RAB3IL1: variants seen among roughly 807,000 people sequenced by gnomAD.
RAB3IL1 encodes guanine nucleotide exchange factor for Rab-3A.
RAB3IL1 carries 37 observed loss-of-function variants against 49.2 expected under a neutral mutation model. That is an observed-to-expected ratio of 0.75 (90% CI 0.58 to 0.99). The LOEUF is 0.99. Ranked by LOEUF, RAB3IL1 falls within the 50% of genes least tolerant of loss-of-function variation. RAB3IL1 has a pLI of 0.00. For missense variants in RAB3IL1, 484 were observed against 513.0 expected (o/e 0.94, Z 0.55); for synonymous variants, 193 against 213.9 (o/e 0.90, Z 0.85).
chr11:61,913,576 T>C (rs1184157201), intron 1 of RAB3IL1, among the ~76,000 whole-genome samples: 1 of 152,154 alleles, frequency 6.6e-6, no homozygotes, highest in African/African-American at 2.4e-5. Context: ...TGTCTCTCCA[T>C]GGGAGCCAGC....
intron 7 of RAB3IL1, among the ~76,000 whole-genome samples, 175 bp from the exon 8 acceptor site, chr11:61,902,716 G>A (rs1394587735): frequency 6.6e-6 from 1 of 152,192 alleles, no homozygotes; most frequent in Non-Finnish European, 1.5e-5. Flanking sequence ...GCTGGCCCCA[G>A]CCATCCCTGG....
chr11:61,943,800 C>T, the RAB3IL1 span, among the ~76,000 whole-genome samples: 1 of 151,964 alleles, frequency 6.6e-6, no homozygotes, highest in African/African-American at 2.4e-5. Flanking sequence ...GCTTTAGCAT[C>T]AGTAAATATG....
At chr11:61,942,532 C>T in the RAB3IL1 span, among the ~76,000 whole-genome samples, 2 of 152,094 alleles carry the variant, frequency 1.3e-5, no homozygotes, top group South Asian at 2.1e-4. Flanking sequence ...CCTTGGTCTC[C>T]CCAAATGCTG....
chr11:61,936,579 T>C, the RAB3IL1 span, among the ~76,000 whole-genome samples: 4 of 152,200 alleles, frequency 2.6e-5, no homozygotes, highest in Non-Finnish European at 5.9e-5. Context: ...TTACCTTAAG[T>C]GATCCACCCA....
At chr11:61,901,827 C>CGACCTT (rs1343539811) in intron 8 of RAB3IL1, among the ~76,000 whole-genome samples, 11 of 152,214 alleles carry the variant, frequency 7.2e-5, no homozygotes, top group African/African-American at 2.7e-4. Flanking sequence ...CAGCTTACTG[C>CGACCTT]GACCTTGCAA....
At chr11:61,916,865 CT>C (rs1341312466) in intron 1 of RAB3IL1, among the ~76,000 whole-genome samples, 1 of 152,108 alleles carries the variant, frequency 6.6e-6, no homozygotes, top group Non-Finnish European at 1.5e-5. Flanking sequence ...CACTCCACAC[CT>C]CTGAGAGCCT....
intron 5 of RAB3IL1, among the ~76,000 whole-genome samples, chr11:61,905,272 C>T (rs1030104473): frequency 2.0e-5 from 3 of 152,186 alleles, no homozygotes; most frequent in Admixed American, 6.5e-5. Context: ...CAGGAGGGGA[C>T]ACACACAGGC....
chr11:61,929,875 C>T, the RAB3IL1 span, among the ~76,000 whole-genome samples: 8 of 147,058 alleles, frequency 5.4e-5, no homozygotes, highest in African/African-American at 1.5e-4. Flanking sequence ...CATGAGCCAC[C>T]GCGCCCGGCT....
At chr11:61,904,016 C>A (rs939089583) in intron 7 of RAB3IL1, among the ~76,000 whole-genome samples, 1 of 151,834 alleles carries the variant, frequency 6.6e-6, no homozygotes, top group African/African-American at 2.4e-5. Flanking sequence ...GTTCCCTCTG[C>A]CTGAAATGCC....
chr11:61,910,095 G>A (rs1038321782), intron 1 of RAB3IL1, among the ~76,000 whole-genome samples: 6 of 152,220 alleles, frequency 3.9e-5, no homozygotes, highest in African/African-American at 1.2e-4. Flanking sequence ...AGGGGACGGA[G>A]GCTCACAGAG....
chr11:61,907,771 C>T, intron 2 of RAB3IL1, 111 bp from the exon 3 acceptor site: 1 of 1,044,006 alleles, frequency 9.6e-7, no homozygotes, highest in Non-Finnish European at 1.4e-6. Context: ...ATGTGGGGCT[C>T]AGAGTTTATT....
chr11:61,922,344 G>A (rs2134376677), upstream of RAB3IL1, among the ~76,000 whole-genome samples: 1 of 151,522 alleles, frequency 6.6e-6, no homozygotes, highest in Non-Finnish European at 1.5e-5. Flanking sequence ...CCAACATGGA[G>A]AAACCCCATC....
At chr11:61,927,134 G>T in the RAB3IL1 span, among the ~76,000 whole-genome samples, 1 of 152,154 alleles carries the variant, frequency 6.6e-6, no homozygotes, top group Non-Finnish European at 1.5e-5. Flanking sequence ...ATGAGCCAAC[G>T]CACCCAGCCA....
chr11:61,921,113 C>T, upstream of RAB3IL1, among the ~76,000 whole-genome samples: 1 of 152,170 alleles, frequency 6.6e-6, no homozygotes, highest in East Asian at 1.9e-4. Flanking sequence ...ATCCTCCCAC[C>T]TCAGCCTCCT....
the RAB3IL1 span, among the ~76,000 whole-genome samples, chr11:61,943,314 T>C: frequency 6.6e-6 from 1 of 152,160 alleles, no homozygotes; most frequent in Non-Finnish European, 1.5e-5. Flanking sequence ...GACCTTTACC[T>C]CAAATGATAC....
At chr11:61,919,849 C>T (rs1232757044), upstream of RAB3IL1, among the ~76,000 whole-genome samples, 1 of 152,218 alleles carries the variant, frequency 6.6e-6, no homozygotes, top group Non-Finnish European at 1.5e-5. Context: ...GGTGTGTCCT[C>T]AGCTCACTGT....
chr11:61,924,112 C>A (rs1335364197), upstream of RAB3IL1, among the ~76,000 whole-genome samples: 1 of 152,236 alleles, frequency 6.6e-6, no homozygotes, highest in African/African-American at 2.4e-5. Flanking sequence ...TCACAACAGA[C>A]CTCCTTCGAC....
rs777638465 is a variant in RAB3IL1 at position 61,908,124 on chromosome 11, C to T, written c.194G>A (p.Arg65His). The T allele has an allele frequency of 2.7e-5, 43 of 1,606,314 alleles. No individual in the cohort carries two copies. Among genetic ancestry groups the T allele is most frequent in the Non-Finnish European group, 3.6e-5 (42 of 1,178,202 alleles). Residue 65 changes from arginine to histidine, a missense_variant, in exon 2 of 10, where the codon CGC becomes CAC. Coordinates refer to ENST00000394836, the MANE Select transcript of RAB3IL1 (RefSeq NM_013401.4). ...CTCTCGGATCTCCATGGAAGAGCTG[C>T]GCAGGCGCAACACGTCCAGCTGGGC... ...AAAQLDVLRLRSSSMEIREKG... is the reference protein window; with the variant it reads ...AAAQLDVLRLHSSSMEIREKG...
Position 61,908,240 on chromosome 11 carries a change from C to T in RAB3IL1, c.78G>A (p.Thr26=), listed in dbSNP as rs1565363573. The T allele has an allele frequency of 2.6e-6, 4 of 1,533,012 alleles. No homozygotes were observed. The highest frequency in any genetic ancestry group is 2.4e-5 in the South Asian group (2 of 83,562). The allele number at this position is 1,533,012 out of a possible 1,614,324, so 95.0% of individuals were successfully genotyped here. A position where few individuals can be genotyped will look rare whatever the true frequency, so the allele number is the denominator to read the frequency against. ...LAAVPVPWKS[T]DPCQGHRESP... ...ACTCCCTGTGGCCTTGGCAGGGGTC[C>T]GTGCTCTTCCAGGGGACCGGGACAG... Residue 26 remains threonine, a synonymous_variant, in exon 2 of 10, where the codon ACG becomes ACA. Transcript: ENST00000394836.
Sources: allele counts gnomAD v4.1 joint callset (sites outside exome capture counted in the v4.1 genomes callset), GRCh38; gene constraint gnomAD v4.1.1; transcripts MANE v1.5; gene names NCBI Gene and HGNC (gene_info 2026-07-23, HGNC 2026-07-21).